Variants in MB21D2 observed in about 807,000 individuals in gnomAD.
MB21D2 encodes nucleotidyltransferase MB21D2.
Under a neutral mutation model 33.3 loss-of-function variants are expected in MB21D2, and 9 were observed. That is an observed-to-expected ratio of 0.27 (90% confidence interval 0.16 to 0.47). The LOEUF (loss-of-function observed/expected upper bound fraction) is 0.47, where lower values mean the gene tolerates loss of function less well. Among genes scored for constraint, MB21D2 ranks in the 20% least tolerant of loss-of-function variants. MB21D2 has a pLI of 0.99. For synonymous variants in MB21D2, 241 were observed against 236.3 expected (o/e 1.02, Z -0.18); for missense variants, 540 against 624.6 (o/e 0.86, Z 1.44).
chr3:192,883,407 G>A (rs1037579058), intron 1 of MB21D2, among the ~76,000 whole-genome samples: 1 of 152,024 alleles, frequency 6.6e-6, no homozygotes, highest in African/African-American at 2.4e-5. Flanking sequence ...TTGTAGCATA[G>A]CATGAGAGTA....
intron 1 of MB21D2, among the ~76,000 whole-genome samples, chr3:192,873,191 T>A (rs1713349490): frequency 6.6e-6 from 1 of 152,276 alleles, no homozygotes; most frequent in East Asian, 1.9e-4. Flanking sequence ...TACAATAGAA[T>A]GGTTGCTGTA....
chr3:192,815,003 C>A (rs527671281), intron 1 of MB21D2, among the ~76,000 whole-genome samples: 1 of 152,134 alleles, frequency 6.6e-6, no homozygotes, highest in Admixed American at 6.5e-5. Flanking sequence ...AGTGGATGAA[C>A]AGTGTGGCAT....
At chr3:192,823,011 T>C (rs927417401) in intron 1 of MB21D2, among the ~76,000 whole-genome samples, 2 of 152,190 alleles carry the variant, frequency 1.3e-5, no homozygotes, top group Admixed American at 1.3e-4. Context: ...TCAATCTCCA[T>C]AGTTTCTACT....
At position 192,917,694 on chromosome 3, in the gene MB21D2, C is replaced by T. The variant is rs751340254; in HGVS notation, c.147G>A (p.Arg49=). 2.8e-5 allele frequency: 45 copies of T among 1,614,080 alleles called. No individual in the cohort carries two copies. In the African/African-American group the frequency reaches 5.9e-4, roughly 21 times the overall value. The change falls in exon 1 of 2, where the codon CGG becomes CGA. Residue 49 remains arginine (R), a synonymous_variant. Transcript: ENST00000392452. ...CCAGCGCTCTCTGGTCGTCGTATTC[C>T]CGCTGGTCGTGCTTCGTAAATTCTT... ...LIQEFTKHDQ[R]EYDDQRALEI...
At chr3:192,843,916 A>G (rs999476617) in intron 1 of MB21D2, among the ~76,000 whole-genome samples, 11 of 152,076 alleles carry the variant, frequency 7.2e-5, no homozygotes, top group African/African-American at 2.7e-4. Context: ...CTTGAAACGT[A>G]TGCTCCGTTT....
chr3:192,855,698 C>T (rs753604300), intron 1 of MB21D2, among the ~76,000 whole-genome samples: 9 of 152,228 alleles, frequency 5.9e-5, no homozygotes, highest in Non-Finnish European at 8.8e-5. Flanking sequence ...CTCTTGATGA[C>T]TAACCTCCTC....
Position 192,797,304 on chromosome 3 carries a change from T to C in MB21D2, c.*1082A>G, listed in dbSNP as rs1339227982. On this transcript the variant is annotated 3_prime_UTR_variant, in exon 2 of 2. Coordinates refer to ENST00000392452, the MANE Select transcript of MB21D2 (RefSeq NM_178496.4). ...TTTTTCTCAAAACTCTCAGGAAGAG[T>C]AGAGATTTTACAAAAAAGCTTACCT... The C allele has an allele frequency of 3.3e-5, 5 of 152,478 alleles. No homozygotes were observed. The highest frequency in any genetic ancestry group is 4.2e-4 in the South Asian group (2 of 4,818). The allele number at this position is 152,478 out of a possible 1,614,324, so 9.4% of individuals were successfully genotyped here.
chr3:192,829,007 A>T (rs1712254991), intron 1 of MB21D2, among the ~76,000 whole-genome samples: 1 of 152,116 alleles, frequency 6.6e-6, no homozygotes. Context: ...ATAAAGTTGT[A>T]TAACCACCAC....
chr3:192,909,958 A>G (rs1443852154), intron 1 of MB21D2, among the ~76,000 whole-genome samples: 1 of 146,786 alleles, frequency 6.8e-6, no homozygotes, highest in Non-Finnish European at 1.5e-5. Flanking sequence ...AAAAAAAAAA[A>G]AAAAAGAAAG....
At chr3:192,832,874 C>A (rs1249828506) in intron 1 of MB21D2, among the ~76,000 whole-genome samples, 1 of 152,166 alleles carries the variant, frequency 6.6e-6, no homozygotes, top group African/African-American at 2.4e-5. Flanking sequence ...AGTTGCTAGG[C>A]AACCATATTT....
intron 1 of MB21D2, among the ~76,000 whole-genome samples, chr3:192,914,941 G>A (rs1714429500): frequency 6.6e-6 from 1 of 152,186 alleles, no homozygotes; most frequent in Non-Finnish European, 1.5e-5. Flanking sequence ...AAGGATCTGT[G>A]AAGCTGGAGG....
At chr3:192,898,993 A>G (rs561333017) in intron 1 of MB21D2, among the ~76,000 whole-genome samples, 2 of 152,314 alleles carry the variant, frequency 1.3e-5, no homozygotes, top group South Asian at 4.1e-4. Context: ...TGAGAGTAAG[A>G]GCTTCTGAGA....
intron 1 of MB21D2, among the ~76,000 whole-genome samples, chr3:192,820,048 G>T (rs1442060184): frequency 6.6e-6 from 1 of 152,170 alleles, no homozygotes; most frequent in Non-Finnish European, 1.5e-5. Flanking sequence ...GGAATACATG[G>T]TTTTTAATGT....
intron 1 of MB21D2, among the ~76,000 whole-genome samples, chr3:192,832,496 GAA>G (rs2108621280): frequency 6.6e-6 from 1 of 152,256 alleles, no homozygotes; most frequent in South Asian, 2.1e-4. Context: ...ATAAGGATAT[GAA>G]AGAGTATGTC....
Position 192,911,738 on chromosome 3 carries a change from C to T in MB21D2, c.211+5892G>A, listed in dbSNP as rs566016493. 7.7e-4 allele frequency among the ~76,000 whole-genome samples: 118 copies of T among 152,258 alleles called. 2 individuals are homozygous for T. In the South Asian group the frequency reaches 0.013, roughly 16 times the overall value. ...AGTTCTAGGCCTCTTCTCTCAAGGA[C>T]GAAGGGCAGCCACTGCCCAGAACCA... On this transcript the variant is annotated intron_variant, in intron 1 of 1. Coordinates refer to ENST00000392452, the MANE Select transcript of MB21D2 (RefSeq NM_178496.4).
chr3:192,910,427 G>A (rs372297923), intron 1 of MB21D2, among the ~76,000 whole-genome samples: 12 of 152,084 alleles, frequency 7.9e-5, no homozygotes, highest in African/African-American at 2.7e-4. Context: ...ACAGTGAGCC[G>A]TGATGGCATC....
intron 1 of MB21D2, among the ~76,000 whole-genome samples, chr3:192,815,890 A>G (rs1577170561): frequency 6.6e-6 from 1 of 152,314 alleles, no homozygotes; most frequent in African/African-American, 2.4e-5. Flanking sequence ...TGATTGCATC[A>G]CCAGCCGAAT....
intron 1 of MB21D2, among the ~76,000 whole-genome samples, chr3:192,827,461 G>T (rs184559828): frequency 6.6e-6 from 1 of 152,238 alleles, no homozygotes; most frequent in East Asian, 1.9e-4. Context: ...GGAACACATA[G>T]CCCAGTGCTG....
intron 1 of MB21D2, among the ~76,000 whole-genome samples, chr3:192,861,767 T>C (rs918426846): frequency 6.6e-6 from 1 of 152,070 alleles, no homozygotes; most frequent in African/African-American, 2.4e-5. Context: ...ATCACGCCAT[T>C]GCACTCCAGC....
Sources: gnomAD v4.1 joint callset for allele counts (sites outside exome capture counted in the v4.1 genomes callset) on GRCh38, gnomAD v4.1.1 for gene constraint, MANE v1.5 for transcripts, NCBI Gene and HGNC (gene_info 2026-07-23, HGNC 2026-07-21) for gene names.